The following CYTH3 variants were observed in gnomAD, a reference collection of about 807,000 sequenced individuals.
CYTH3 encodes cytohesin-3.
CYTH3 carries 23 observed loss-of-function variants against 55.1 expected under a neutral mutation model. That is an observed-to-expected ratio of 0.42 (90% CI 0.30 to 0.59). CYTH3 has a LOEUF of 0.59. Ranked by LOEUF, CYTH3 falls within the 20% of genes least tolerant of loss-of-function variation. The pLI, the probability that CYTH3 is intolerant of heterozygous loss-of-function variation, is 0.20. For synonymous variants in CYTH3, 249 were observed against 194.9 expected, an observed-to-expected ratio of 1.28 and a Z score of -2.31; for missense variants, 413 against 524.8, an observed-to-expected ratio of 0.79 and a Z score of 2.08.
chr7:6,169,118 T>C lies in CYTH3; in HGVS notation c.823+1417A>G, dbSNP rs1783097271. ...CAGCCAGAAAAAAGTCAAAGAGCAA[T>C]GGCCAAGGTCAAAGACCCTAATGGG... On this transcript the variant is annotated intron_variant, in intron 9 of 12. Coordinates refer to ENST00000350796, the MANE Select transcript of CYTH3 (RefSeq NM_004227.4). The surrounding 1 kb of genome is among the most constrained non-coding windows in gnomAD (Gnocchi z 4.1). 6.6e-6 allele frequency among the ~76,000 whole-genome samples: 1 copy of C among 152,114 alleles called. No homozygotes were observed. Among genetic ancestry groups the C allele is most frequent in the South Asian group, 2.1e-4 (1 of 4,826 alleles).
At chr7:6,266,023 T>C (rs1348414075) in intron 1 of CYTH3, among the ~76,000 whole-genome samples, 1 of 151,802 alleles carries the variant, frequency 6.6e-6, no homozygotes, top group Non-Finnish European at 1.5e-5. Flanking sequence ...GGTTTCATTA[T>C]TCTTTGTACT....
intron 1 of CYTH3, among the ~76,000 whole-genome samples, chr7:6,215,140 T>C (rs1214866601): frequency 6.6e-6 from 1 of 152,184 alleles, no homozygotes; most frequent in Non-Finnish European, 1.5e-5. Context: ...CTCCACAACA[T>C]GGAGCACATG....
At position 6,171,012 on chromosome 7, in the gene CYTH3, AACCTCCAGTGGACAGTGGG is replaced by A. The variant is rs754051730; in HGVS notation, c.563-53_563-35del. On this transcript the variant is annotated intron_variant, in intron 7 of 12. Transcript: ENST00000350796. This position sits in a 1 kb window ranked among gnomAD's most constrained non-coding sequence, Gnocchi z 6.7. The stretch of plus-strand genomic sequence containing the variant: ...AGTCCGGGGTGCTGGGCTCAGCCAG[AACCTCCAGTGGACAGTGGG>A]ACCCCGCGTGCTGGGGGCCCGCCTG... 27 of 1,612,256 alleles carry A rather than the reference AACCTCCAGTGGACAGTGGG, an allele frequency of 1.7e-5. No homozygotes were observed. The highest frequency in any genetic ancestry group is 2.3e-5 in the Non-Finnish European group (27 of 1,179,518).
At chr7:6,168,094 G>A (rs977153440) in intron 9 of CYTH3, among the ~76,000 whole-genome samples, 9 of 152,208 alleles carry the variant, frequency 5.9e-5, no homozygotes, top group African/African-American at 2.2e-4. Flanking sequence ...ACCTGCAGAT[G>A]GGAGCCACTT....
chr7:6,198,319 G>A (rs765994735), intron 1 of CYTH3, among the ~76,000 whole-genome samples: 7 of 152,126 alleles, frequency 4.6e-5, no homozygotes, highest in Non-Finnish European at 1.0e-4. Flanking sequence ...TTGTGTCTTT[G>A]GACACCCAGA....
rs368404729 is a variant in CYTH3, at chr7:6,164,936, C to A, written c.*8G>T. 6.2e-7 allele frequency: 1 copy of A among 1,614,106 alleles called. No homozygotes were observed. Among genetic ancestry groups the A allele is most frequent in the Non-Finnish European group, 8.5e-7 (1 of 1,180,040 alleles). On this transcript the variant is annotated 3_prime_UTR_variant, in exon 13 of 13. Transcript: ENST00000350796. ...GGGTCTTTTACCTGGGTCTTTTAGC[C>A]AGGAAAGCTATTTTTTATTGGCAAT... is the stretch of plus-strand genomic sequence containing the variant.
Position 6,187,645 on chromosome 7 carries a change from A to G in CYTH3, c.182+12T>C. 6.2e-7 allele frequency: 1 copy of G among 1,609,756 alleles called. No individual in the cohort carries two copies. On this transcript the variant is annotated intron_variant, in intron 3 of 12. Transcript: ENST00000350796. ...GAGTAAATAGCTTAAAGGTGTAGCCACAAATTGTTACCTCTCCTCTACGGA... is the reference window on the plus strand; with the variant it reads ...GAGTAAATAGCTTAAAGGTGTAGCCGCAAATTGTTACCTCTCCTCTACGGA...
At position 6,173,575 on chromosome 7, in the gene CYTH3, T is replaced by C. The variant is rs989421070; in HGVS notation, c.449+78A>G. 2.0e-5 allele frequency: 18 copies of C among 914,614 alleles called. No individual in the cohort carries two copies. Among genetic ancestry groups the C allele is most frequent in the Non-Finnish European group, 3.3e-5 (18 of 551,838 alleles). The allele number at this position is 914,614 out of a possible 1,614,324, so 56.7% of individuals were successfully genotyped here. A position where few individuals can be genotyped will look rare whatever the true frequency, so the allele number is the denominator to read the frequency against. On this transcript the variant is annotated intron_variant, in intron 6 of 12. Coordinates refer to ENST00000350796, the MANE Select transcript of CYTH3 (RefSeq NM_004227.4). ...GTGGCACCAAGTTACCTGGAGTCAA[T>C]TCACCGCCACTGCTGCCCAGGCAGT... is the stretch of plus-strand genomic sequence containing the variant.
chr7:6,203,070 A>T (rs1028080662), intron 1 of CYTH3, among the ~76,000 whole-genome samples: 2 of 152,240 alleles, frequency 1.3e-5, no homozygotes, highest in Admixed American at 6.5e-5. Context: ...ATGAGTCACT[A>T]GATAATGATA....
Position 6,171,350 on chromosome 7 carries a change from GAACC to G in CYTH3, c.450-40_450-37del. On this transcript the variant is annotated intron_variant, in intron 6 of 12. Coordinates refer to ENST00000350796, the MANE Select transcript of CYTH3 (RefSeq NM_004227.4). This position sits in a 1 kb window ranked among gnomAD's most constrained non-coding sequence, Gnocchi z 6.7. ...ACCAAAGCCATGGGAAGCCGCATCA[GAACC>G]AACACCGCCTCACGGCCAAGGGCGG... is the stretch of plus-strand genomic sequence containing the variant. 1 of 1,601,368 alleles carries G rather than the reference GAACC, an allele frequency of 6.2e-7. No individual in the cohort carries two copies.
chr7:6,165,306 G>A lies in CYTH3; in HGVS notation c.1094C>T (p.Pro365Leu), dbSNP rs539932644. Residue 365 changes from proline to leucine, a missense_variant, in exon 12 of 13, where the codon CCG becomes CTG. Around this residue, in one of 4 missense-constraint regions of CYTH3, gnomAD observed 98 missense variants for 115.2 expected, o/e 0.85. Transcript: ENST00000350796. ...TTTCATCCACTCCTCCTTCTCCTCC[G>A]GGCTCGGGGCTGAGATCCGGTACAC... is the stretch of plus-strand genomic sequence containing the variant. Reference protein sequence around the residue: ...HVVYRISAPSPEEKEEWMKSI... With the variant: ...HVVYRISAPSLEEKEEWMKSI... 34 of 1,613,832 alleles carry A rather than the reference G, an allele frequency of 2.1e-5. No homozygotes were observed. The highest frequency in any genetic ancestry group is 6.6e-5 in the South Asian group (6 of 91,064).
chr7:6,238,225 C>T (rs1013289280), intron 1 of CYTH3, among the ~76,000 whole-genome samples: 1 of 151,904 alleles, frequency 6.6e-6, no homozygotes, highest in Non-Finnish European at 1.5e-5. Flanking sequence ...AAATTCACTT[C>T]AATATTTTTT....
At position 6,164,850 on chromosome 7, in the gene CYTH3, G is replaced by T; in HGVS notation, c.*94C>A. 1.4e-6 allele frequency: 2 copies of T among 1,389,522 alleles called. No homozygotes were observed. Among genetic ancestry groups the T allele is most frequent in the South Asian group, 1.2e-5 (1 of 84,364 alleles). 86.1% of individuals were successfully genotyped at this position (1,389,522 alleles called of 1,614,324 possible). ...GGAGCAGCAGCTTGCACCGCAGGGC[G>T]ACTGCCTCCCTGCCACGCCTTCCGC... On this transcript the variant is annotated 3_prime_UTR_variant, in exon 13 of 13. Coordinates refer to ENST00000350796, the MANE Select transcript of CYTH3 (RefSeq NM_004227.4).
intron 1 of CYTH3, among the ~76,000 whole-genome samples, chr7:6,240,292 C>CAAAAAAAAAAAAAAAAA (rs60884841): frequency 1.7e-5 from 1 of 60,568 alleles, no homozygotes; most frequent in Non-Finnish European, 4.0e-5. Context: ...GACTCCATCT[C>CAAAAAAAAAAAAAAAAA]AAAAAAAAAA....
chr7:6,174,541 T>G (rs1435452653), intron 5 of CYTH3, among the ~76,000 whole-genome samples: 4 of 133,626 alleles, frequency 3.0e-5, no homozygotes, highest in South Asian at 2.6e-4. Flanking sequence ...CCTTGTGGGT[T>G]TTTTTTTTTT....
intron 1 of CYTH3, among the ~76,000 whole-genome samples, chr7:6,221,484 G>T (rs1020452698): frequency 6.6e-6 from 1 of 152,166 alleles, no homozygotes; most frequent in African/African-American, 2.4e-5. Flanking sequence ...GAACAGTTCT[G>T]TATCTTGATT....
At chr7:6,222,633 G>A (rs1784577567) in intron 1 of CYTH3, among the ~76,000 whole-genome samples, 1 of 151,902 alleles carries the variant, frequency 6.6e-6, no homozygotes, top group Non-Finnish European at 1.5e-5. Context: ...TGTAGTCCCA[G>A]CTACTCGGGA....
At chr7:6,212,446 G>A (rs1312813313) in intron 1 of CYTH3, among the ~76,000 whole-genome samples, 3 of 151,660 alleles carry the variant, frequency 2.0e-5, no homozygotes, top group South Asian at 2.1e-4. Context: ...CCCATCCCCA[G>A]GCACCCACCA....
chr7:6,177,261 G>C (rs928088817), intron 5 of CYTH3, among the ~76,000 whole-genome samples: 4 of 152,076 alleles, frequency 2.6e-5, no homozygotes, highest in Non-Finnish European at 5.9e-5. Context: ...CCAACTTTAG[G>C]AACTACTGGG....
Sources: gnomAD v4.1 joint callset for allele counts (sites outside exome capture counted in the v4.1 genomes callset) on GRCh38, gnomAD v4.1.1 for gene constraint, gnomAD v4.1.1 regional missense constraint, Gnocchi (gnomAD v3.1) non-coding constraint, MANE v1.5 for transcripts, NCBI Gene and HGNC (gene_info 2026-07-23, HGNC 2026-07-21) for gene names.